The following PHACTR2 variants were observed in gnomAD, a reference collection of about 807,000 sequenced individuals.
PHACTR2 encodes the protein phosphatase and actin regulator 2.
A neutral mutation model predicts 76.0 loss-of-function variants in PHACTR2; 30 were observed. The ratio of observed to expected loss-of-function variants is 0.39; its 90% CI spans 0.30 to 0.54. The LOEUF (loss-of-function observed/expected upper bound fraction) is 0.54. PHACTR2 is among the 20% of genes least tolerant of loss of function. PHACTR2 has a pLI of 0.61. For missense variants in PHACTR2, 696 were observed against 781.1 expected, an observed-to-expected ratio of 0.89 and a Z score of 1.30; for synonymous variants, 292 against 292.5, an observed-to-expected ratio of 1.00 and a Z score of 0.02.
At chr6:143,551,722 T>C (rs987300340) in intron 1 of PHACTR2, among the ~76,000 whole-genome samples, 1 of 152,128 alleles carries the variant, frequency 6.6e-6, no homozygotes. Flanking sequence ...ATGAAGATGT[T>C]GGAAAATAGG....
rs1364894069 is a variant in PHACTR2, at chr6:143,684,710, C to G, written c.46+6501C>G. 6.6e-6 allele frequency among the ~76,000 whole-genome samples: 1 copy of G among 152,228 alleles called. No individual in the cohort carries two copies. Among genetic ancestry groups the G allele is most frequent in the East Asian group, 1.9e-4 (1 of 5,206 alleles). ...CCTCGTGAGAATTAGAAGTCACTTC[C>G]TCTGGGTGAGGCAGCTAGCTCCACA... On this transcript the variant is annotated intron_variant, in intron 1 of 12. Coordinates refer to ENST00000440869, the MANE Select transcript of PHACTR2 (RefSeq NM_001100164.2). This position sits in a 1 kb window ranked among gnomAD's most constrained non-coding sequence, Gnocchi z 4.3.
At chr6:143,686,229 C>T (rs772452318) in intron 1 of PHACTR2, among the ~76,000 whole-genome samples, 3 of 150,646 alleles carry the variant, frequency 2.0e-5, no homozygotes, top group Non-Finnish European at 4.4e-5. Flanking sequence ...CTCATAAAAA[C>T]AATTTTTACA....
In PHACTR2 at chr6:143,800,004, G is replaced by A. The variant is rs546742344; in HGVS notation, c.1846-7053G>A. 1.3e-5 allele frequency among the ~76,000 whole-genome samples: 2 copies of A among 152,272 alleles called. No individual in the cohort carries two copies. Among genetic ancestry groups the A allele is most frequent in the East Asian group, 1.9e-4 (1 of 5,186 alleles). Reference sequence around the variant, plus strand: ...GGTGTTAAAGTCTCCCATTATTATTGTGTGGGAGTCTAAGTTTCTTTGTAA... The same window carrying A: ...GGTGTTAAAGTCTCCCATTATTATTATGTGGGAGTCTAAGTTTCTTTGTAA... On this transcript the variant is annotated intron_variant, in intron 11 of 12. Coordinates refer to ENST00000440869, the MANE Select transcript of PHACTR2 (RefSeq NM_001100164.2). This position sits in a 1 kb window ranked among gnomAD's most constrained non-coding sequence, Gnocchi z 4.8.
Position 143,780,780 on chromosome 6 carries a change from G to A in PHACTR2, c.1646-2439G>A, listed in dbSNP as rs1775410158. ...CTCTGATGAGAGTCACTGAGAGCAA[G>A]ATTTGTCAATGAACCACGTCACTTC... On this transcript the variant is annotated intron_variant, in intron 9 of 12. Transcript: ENST00000440869. This position sits in a 1 kb window ranked among gnomAD's most constrained non-coding sequence, Gnocchi z 4.4. Among the ~76,000 whole-genome samples, 1 of 152,206 alleles carries A rather than the reference G, an allele frequency of 6.6e-6. No individual in the cohort carries two copies. Among genetic ancestry groups the A allele is most frequent in the Non-Finnish European group, 1.5e-5 (1 of 68,034 alleles).
At chr6:143,651,447 C>T (rs1776762316) in intron 1 of PHACTR2, among the ~76,000 whole-genome samples, 1 of 152,002 alleles carries the variant, frequency 6.6e-6, no homozygotes, top group South Asian at 2.1e-4. Flanking sequence ...ACCTAAATGC[C>T]CATCAATGAT....
At chr6:143,582,531 T>A (rs1775587558) in intron 1 of PHACTR2, among the ~76,000 whole-genome samples, 1 of 151,978 alleles carries the variant, frequency 6.6e-6, no homozygotes, top group African/African-American at 2.4e-5. Context: ...TGAGGAATGA[T>A]CAGGTATGGA....
chr6:143,594,569 T>C (rs1775727192), intron 1 of PHACTR2, among the ~76,000 whole-genome samples: 1 of 152,244 alleles, frequency 6.6e-6, no homozygotes, highest in South Asian at 2.1e-4. Context: ...CCACGATGAT[T>C]GGTGGAGATT....
In PHACTR2 at chr6:143,662,305, T is replaced by C. The variant is rs1776960020; in HGVS notation, c.14-49711T>C. Reference sequence around the variant, plus strand: ...ACTAAGTGTGTTTTAGGAAATAACTTTATAGCTTTTTTTCCCCTATTTTAA... The same window carrying C: ...ACTAAGTGTGTTTTAGGAAATAACTCTATAGCTTTTTTTCCCCTATTTTAA... On this transcript the variant is annotated intron_variant, in intron 1 of 11. Coordinates refer to the PHACTR2 transcript ENST00000305766. This position sits in a 1 kb window ranked among gnomAD's most constrained non-coding sequence, Gnocchi z 4.7. 6.6e-6 allele frequency among the ~76,000 whole-genome samples: 1 copy of C among 152,222 alleles called. No homozygotes were observed. The highest frequency in any genetic ancestry group is 1.9e-4 in the East Asian group (1 of 5,206).
In PHACTR2 at chr6:143,547,883, CGTAT is replaced by C. The variant is rs1562680295; in HGVS notation, c.217+10681_217+10684del. Reference sequence around the variant, plus strand: ...CTGTATCTATGTATGTATGTATGTACGTATGTATCTATCTATCTATCTATCATCT... The same window carrying C: ...CTGTATCTATGTATGTATGTATGTACGTATCTATCTATCTATCTATCATCT... On this transcript the variant is annotated intron_variant, in intron 1 of 11. Transcript: ENST00000367584. The surrounding 1 kb of genome is among the most constrained non-coding windows in gnomAD (Gnocchi z 4.2). Among the ~76,000 whole-genome samples, 1 of 151,254 alleles carries C rather than the reference CGTAT, an allele frequency of 6.6e-6. No individual in the cohort carries two copies. Among genetic ancestry groups the C allele is most frequent in the Non-Finnish European group, 1.5e-5 (1 of 68,010 alleles).
Position 143,829,449 on chromosome 6 carries a change from T to G in PHACTR2, c.*5760T>G, listed in dbSNP as rs570602762. 2 of 152,254 alleles carry G rather than the reference T, an allele frequency of 1.3e-5. No individual in the cohort carries two copies. The highest frequency in any genetic ancestry group is 4.1e-4 in the South Asian group (2 of 4,826). The allele number at this position is 152,254 out of a possible 1,614,324, so 9.4% of individuals were successfully genotyped here. On this transcript the variant is annotated 3_prime_UTR_variant, in exon 13 of 13. Coordinates refer to ENST00000440869, the MANE Select transcript of PHACTR2 (RefSeq NM_001100164.2). ...TAATTCACACACAAATGCTTGAATT[T>G]CCCCTGTATAAATGTAGTCATGCGA...
At chr6:143,706,571 C>T (rs1310614331) in intron 1 of PHACTR2, among the ~76,000 whole-genome samples, 6 of 152,168 alleles carry the variant, frequency 3.9e-5, no homozygotes, top group South Asian at 2.1e-4. Flanking sequence ...CTGCCACTCC[C>T]GTACTTCCTT....
Position 143,827,188 on chromosome 6 carries a change from A to ATATATG in PHACTR2, c.*3504_*3505insGTATAT, listed in dbSNP as rs1554232031. ...TATATATATATATATATATATATAT[A>ATATATG]TATATATATATGTATATTATATATA... is the stretch of plus-strand genomic sequence containing the variant. On this transcript the variant is annotated 3_prime_UTR_variant, in exon 13 of 13. Coordinates refer to ENST00000440869, the MANE Select transcript of PHACTR2 (RefSeq NM_001100164.2). The ATATATG allele has an allele frequency of 3.3e-4, 43 of 130,166 alleles. No homozygotes were observed. Among genetic ancestry groups the ATATATG allele is most frequent in the Non-Finnish European group, 5.7e-4 (34 of 60,026 alleles). The allele number at this position is 130,166 out of a possible 1,614,324, so 8.1% of individuals were successfully genotyped here.
In PHACTR2 at chr6:143,538,502, A is replaced by G. The variant is rs1047247335; in HGVS notation, c.217+1295A>G. 9.2e-5 allele frequency among the ~76,000 whole-genome samples: 14 copies of G among 152,202 alleles called. 1 individual carries two copies. ...GAGCTGGGAAATTAGAAATGAAGCT[A>G]GCTAGCATCAAAAACTACCCATAGC... On this transcript the variant is annotated intron_variant, in intron 1 of 11. Transcript: ENST00000367584.
rs188834664 is a variant in PHACTR2, at chr6:143,749,386, G to T, written c.295+321G>T. ...TTCTCTTCTCTATTCTTGAGCTTCA[G>T]TCTTTCTATTCACATGAAACTCATG... On this transcript the variant is annotated intron_variant, in intron 3 of 12. Coordinates refer to ENST00000440869, the MANE Select transcript of PHACTR2 (RefSeq NM_001100164.2). Among the ~76,000 whole-genome samples the T allele has an allele frequency of 1.4e-3, 216 of 152,256 alleles. 1 individual carries two copies. The highest frequency in any genetic ancestry group is 2.8e-4 in the Non-Finnish European group (19 of 68,022).
Position 143,537,161 on chromosome 6 carries a change from G to A in PHACTR2, c.171G>A (p.Ser57=). The A allele has an allele frequency of 3.1e-6, 1 of 326,816 alleles. No homozygotes were observed. 20.2% of individuals were successfully genotyped at this position (326,816 alleles called of 1,614,324 possible). A position where few individuals can be genotyped will look rare whatever the true frequency, so the allele number is the denominator to read the frequency against. ...GCCGCTCACAGAGCGACCTCTCGTC[G>A]TCCTCGAGCAGGGGCCGCCCGCTCC... Residue 57 remains serine (S), a synonymous_variant, in exon 1 of 12, where the codon TCG becomes TCA. Transcript: ENST00000367584. The surrounding 1 kb of genome is among the most constrained non-coding windows in gnomAD (Gnocchi z 4.4).
chr6:143,693,563 G>A (rs187904661), intron 1 of PHACTR2, among the ~76,000 whole-genome samples: 1 of 152,232 alleles, frequency 6.6e-6, no homozygotes, highest in African/African-American at 2.4e-5. Context: ...TTTTAAATAG[G>A]CCATTTAAGG....
At chr6:143,637,884 C>G (rs1234456783) in intron 1 of PHACTR2, among the ~76,000 whole-genome samples, 2 of 152,200 alleles carry the variant, frequency 1.3e-5, no homozygotes, top group African/African-American at 4.8e-5. Context: ...GTCACCTTTG[C>G]TATGTTCTAG....
Position 143,760,293 on chromosome 6 carries a change from C to T in PHACTR2, c.455-108C>T, listed in dbSNP as rs774229782. The T allele has an allele frequency of 3.0e-4, 301 of 989,440 alleles. No homozygotes were observed. Among genetic ancestry groups the T allele is most frequent in the Non-Finnish European group, 4.2e-4 (285 of 670,964 alleles). 61.3% of individuals were successfully genotyped at this position (989,440 alleles called of 1,614,324 possible). On this transcript the variant is annotated intron_variant, in intron 4 of 12. Coordinates refer to ENST00000440869, the MANE Select transcript of PHACTR2 (RefSeq NM_001100164.2). This position sits in a 1 kb window ranked among gnomAD's most constrained non-coding sequence, Gnocchi z 6.4. ...TGGTGCAGAACTCCATGCTGATTCTCAAGTACCAAGCAGACACGCTTTGTG... is the reference window on the plus strand; with the variant it reads ...TGGTGCAGAACTCCATGCTGATTCTTAAGTACCAAGCAGACACGCTTTGTG...
intron 1 of PHACTR2, among the ~76,000 whole-genome samples, chr6:143,565,107 C>G (rs1489137645): frequency 6.6e-6 from 1 of 152,162 alleles, no homozygotes; most frequent in Non-Finnish European, 1.5e-5. Flanking sequence ...AATCAGCTTT[C>G]ACGAATCCAT....
Sources: gnomAD v4.1 joint callset for allele counts (sites outside exome capture counted in the v4.1 genomes callset) on GRCh38, gnomAD v4.1.1 for gene constraint, Gnocchi (gnomAD v3.1) non-coding constraint, MANE v1.5 for transcripts, NCBI Gene and HGNC (gene_info 2026-07-23, HGNC 2026-07-21) for gene names.